RSU1: variants seen among roughly 807,000 people sequenced by gnomAD.
RSU1 encodes the protein rsu-1.
A neutral mutation model predicts 31.1 loss-of-function variants in RSU1; 26 were observed. The ratio of observed to expected loss-of-function variants is 0.84; its 90% CI spans 0.61 to 1.16. The LOEUF (loss-of-function observed/expected upper bound fraction) is 1.16. RSU1 is among the 50% of genes most tolerant of loss of function. The pLI is 0.00. For synonymous variants in RSU1, 164 were observed against 136.3 expected, an observed-to-expected ratio of 1.20 and a Z score of -1.41; for missense variants, 320 against 339.1, an observed-to-expected ratio of 0.94 and a Z score of 0.44.
At chr10:16,815,511 T>C (rs923010526) in intron 2 of RSU1, among the ~76,000 whole-genome samples, 47 of 152,188 alleles carry the variant, frequency 3.1e-4, no homozygotes, top group African/African-American at 1.1e-3. Context: ...CTGGAGTTGA[T>C]ATCCCAAACT....
chr10:16,610,898 C>T (rs1281421948), intron 8 of RSU1, among the ~76,000 whole-genome samples: 1 of 152,066 alleles, frequency 6.6e-6, no homozygotes, highest in Non-Finnish European at 1.5e-5. Flanking sequence ...TCTAGAGTCC[C>T]GTTTACCTAG....
intron 8 of RSU1, among the ~76,000 whole-genome samples, chr10:16,658,188 G>A (rs1834825836): frequency 6.6e-6 from 1 of 151,904 alleles, no homozygotes; most frequent in South Asian, 2.1e-4. Flanking sequence ...TTTTCATTTT[G>A]TATGTCAATT....
intron 8 of RSU1, among the ~76,000 whole-genome samples, chr10:16,675,200 C>CAAAAAAAAAAAAAAAA (rs4012468): frequency 1.0e-5 from 1 of 95,504 alleles, no homozygotes; most frequent in Non-Finnish European, 2.0e-5. Flanking sequence ...GACTCTGTCT[C>CAAAAAAAAAAAAAAAA]AAAAAAAAAA....
At chr10:16,722,741 T>A (rs1037114164) in intron 7 of RSU1, among the ~76,000 whole-genome samples, 13 of 152,038 alleles carry the variant, frequency 8.6e-5, no homozygotes, top group Non-Finnish European at 1.9e-4. Flanking sequence ...GCACACTTTT[T>A]ATATAACTCA....
intron 8 of RSU1, among the ~76,000 whole-genome samples, chr10:16,605,333 A>G (rs1833784807): frequency 6.6e-6 from 1 of 152,074 alleles, no homozygotes; most frequent in Non-Finnish European, 1.5e-5. Flanking sequence ...CCCCTGATAG[A>G]AGGTTCATTC....
intron 2 of RSU1, among the ~76,000 whole-genome samples, chr10:16,795,004 C>A (rs1588540529): frequency 6.6e-6 from 1 of 152,304 alleles, no homozygotes; most frequent in East Asian, 1.9e-4. Flanking sequence ...TATGTAATGA[C>A]CACTACATCA....
At chr10:16,696,284 A>G (rs1218328654) in intron 7 of RSU1, among the ~76,000 whole-genome samples, 4 of 152,216 alleles carry the variant, frequency 2.6e-5, no homozygotes, top group African/African-American at 9.6e-5. Flanking sequence ...GTTTTCATAG[A>G]TGGTAACTCA....
intron 3 of RSU1, among the ~76,000 whole-genome samples, chr10:16,778,655 G>T (rs1490955810): frequency 6.6e-6 from 1 of 152,178 alleles, no homozygotes; most frequent in Non-Finnish European, 1.5e-5. Flanking sequence ...CCAGCCAGGG[G>T]GCCCCCAGGG....
intron 8 of RSU1, among the ~76,000 whole-genome samples, chr10:16,682,349 T>C (rs1448871076): frequency 6.6e-6 from 1 of 152,194 alleles, no homozygotes; most frequent in Non-Finnish European, 1.5e-5. Flanking sequence ...AGACTGATAA[T>C]GTTGACTAAA....
chr10:16,609,020 A>G (rs1833850896), intron 8 of RSU1, among the ~76,000 whole-genome samples: 1 of 151,774 alleles, frequency 6.6e-6, no homozygotes, highest in South Asian at 2.1e-4. Context: ...TTTTGTAGAG[A>G]TAGGGCCTTG....
intron 8 of RSU1, among the ~76,000 whole-genome samples, chr10:16,649,194 C>T (rs891737798): frequency 6.6e-6 from 1 of 152,120 alleles, no homozygotes; most frequent in Non-Finnish European, 1.5e-5. Context: ...AGAAGCAAGA[C>T]AAATACCCTA....
intron 7 of RSU1, chr10:16,722,987 T>TATACATATATGCATATAGACACACAC (rs1836309206): frequency 6.6e-6 from 1 of 150,414 alleles, no homozygotes; most frequent in Non-Finnish European, 1.5e-5. Context: ...TATACACACA[T>TATACATATATGCATATAGACACACAC]ATACATATAT....
intron 2 of RSU1, among the ~76,000 whole-genome samples, chr10:16,784,071 T>C (rs373034421): frequency 2.7e-5 from 4 of 149,468 alleles, no homozygotes; most frequent in African/African-American, 1.0e-4. Context: ...TTTTGTATTA[T>C]GTCCCTCTAT....
At chr10:16,617,026 G>A (rs966173030) in intron 8 of RSU1, among the ~76,000 whole-genome samples, 2 of 152,190 alleles carry the variant, frequency 1.3e-5, no homozygotes, top group Non-Finnish European at 2.9e-5. Flanking sequence ...ATTCAACTAG[G>A]AAGAGAGGAA....
intron 7 of RSU1, among the ~76,000 whole-genome samples, chr10:16,726,033 A>T (rs1242903958): frequency 1.3e-5 from 2 of 151,764 alleles, no homozygotes; most frequent in Non-Finnish European, 2.9e-5. Flanking sequence ...ATATATGTGT[A>T]TATACATATA....
At chr10:16,632,190 T>C (rs1347885688) in intron 8 of RSU1, among the ~76,000 whole-genome samples, 3 of 152,092 alleles carry the variant, frequency 2.0e-5, no homozygotes, top group African/African-American at 7.2e-5. Context: ...TCAAAAAAAA[T>C]ATTTTTGGTC....
intron 7 of RSU1, among the ~76,000 whole-genome samples, chr10:16,696,353 T>C (rs1477988794): frequency 6.6e-6 from 1 of 152,222 alleles, no homozygotes; most frequent in Non-Finnish European, 1.5e-5. Flanking sequence ...CTAGCTGATC[T>C]GAGCTTTGGA....
chr10:16,680,189 G>A (rs948709753), intron 8 of RSU1, among the ~76,000 whole-genome samples: 12 of 151,868 alleles, frequency 7.9e-5, no homozygotes, highest in African/African-American at 1.2e-4. Flanking sequence ...GCCAAAAACC[G>A]GATTTTTAAG....
At chr10:16,651,233 T>C (rs547941161) in intron 8 of RSU1, among the ~76,000 whole-genome samples, 2 of 152,348 alleles carry the variant, frequency 1.3e-5, no homozygotes, top group South Asian at 4.1e-4. Context: ...ATCAATGATA[T>C]GAAGCAACCT....
Sources: gnomAD v4.1 joint callset for allele counts (sites outside exome capture counted in the v4.1 genomes callset) on GRCh38, gnomAD v4.1.1 for gene constraint, MANE v1.5 for transcripts, NCBI Gene and HGNC (gene_info 2026-07-23, HGNC 2026-07-21) for gene names.